Variants in EFR3B observed in about 807,000 individuals in gnomAD.
The protein encoded by EFR3B is protein EFR3 homolog B.
Under a neutral mutation model 104.7 loss-of-function variants are expected in EFR3B, and 64 were observed. That is an observed-to-expected ratio of 0.61 (90% CI 0.50 to 0.75). The LOEUF is 0.75. Among genes scored for constraint, EFR3B ranks in the 30% least tolerant of loss-of-function variants. The pLI is 0.00. For missense variants in EFR3B, 750 were observed against 1,078.5 expected (o/e 0.70, Z 4.27); for synonymous variants, 385 against 417.9 (o/e 0.92, Z 0.96).
chr2:25,072,027 C>T (rs941810387), intron 1 of EFR3B, among the ~76,000 whole-genome samples: 19 of 152,236 alleles, frequency 1.2e-4, no homozygotes, highest in Non-Finnish European at 2.4e-4. Context: ...GCACATCACC[C>T]TGGTGGTGTG....
intron 5 of EFR3B, among the ~76,000 whole-genome samples, chr2:25,122,819 A>T (rs1670051935): frequency 6.6e-6 from 1 of 151,826 alleles, no homozygotes. Context: ...GTCTCTTCCC[A>T]CTGGGATGTA....
At chr2:25,052,539 T>G (rs2149164685) in intron 1 of EFR3B, among the ~76,000 whole-genome samples, 1 of 141,708 alleles carries the variant, frequency 7.1e-6, no homozygotes, top group South Asian at 2.3e-4. Flanking sequence ...TCTCGCTCTG[T>G]CGCCCAGGCT....
At position 25,139,017 on chromosome 2, in the gene EFR3B, T is replaced by C. The variant is rs751700290; in HGVS notation, c.1723-42T>C. On this transcript the variant is annotated intron_variant, in intron 15 of 22. Coordinates refer to ENST00000403714, the MANE Select transcript of EFR3B (RefSeq NM_014971.2). ...TGGAGCGTTGGCACCCAGTGTAGTCTGTCAGTGAAAAACTCCGGAGGCCTT... is the reference window on the plus strand; with the variant it reads ...TGGAGCGTTGGCACCCAGTGTAGTCCGTCAGTGAAAAACTCCGGAGGCCTT... 4.5e-6 allele frequency: 7 copies of C among 1,550,904 alleles called. No individual in the cohort carries two copies. In the East Asian group the frequency reaches 1.5e-4, roughly 32 times the overall value.
In EFR3B at chr2:25,145,050, A is replaced by T; in HGVS notation, c.2141A>T (p.Glu714Val). 6.4e-7 allele frequency: 1 copy of T among 1,551,680 alleles called. No homozygotes were observed. ...VESRNSPEKE[E>V]RVPAEEITYE... ...TCGAGGAACAGTCCGGAGAAGGAGG[A>T]GGTGAGTGTCCGTGCCACCGTCCTG... is the stretch of plus-strand genomic sequence containing the variant. The change falls in exon 19 of 23, where the codon GAG (glutamate) becomes GTG (valine). Residue 714 changes from glutamate (E) to valine (V), a missense_variant and splice_region_variant. Glu to Val is a moderately radical substitution (Grantham distance 121). Coordinates refer to ENST00000403714, the MANE Select transcript of EFR3B (RefSeq NM_014971.2).
In EFR3B at chr2:25,143,902, C is replaced by CT. The variant is rs749477480; in HGVS notation, c.2050+43dup. 3 of 1,543,872 alleles carry CT rather than the reference C, an allele frequency of 1.9e-6. No homozygotes were observed. The African/African-American group carries it at 4.1e-5, about 21-fold the overall frequency. On this transcript the variant is annotated intron_variant, in intron 18 of 22. Transcript: ENST00000403714. ...CAGGGATGCCCGGGCCTGCCTCTGT[C>CT]TTTACTTGGCCAGGTAAGGGCCTGA...
chr2:25,049,941 G>A lies in EFR3B; in HGVS notation c.7+7622G>A, dbSNP rs1013975769. Among the ~76,000 whole-genome samples, 8 of 136,702 alleles carry A rather than the reference G, an allele frequency of 5.9e-5. No individual in the cohort carries two copies. In the East Asian group the frequency reaches 1.4e-3, roughly 25 times the overall value. The allele number at this position is 136,702 out of a possible 152,430, so 89.7% of individuals were successfully genotyped here. ...TCCAGCCTAACCAACATTGTGAAACGACATTTCTACTAAAAAAAAAAAAAA... is the reference window on the plus strand; with the variant it reads ...TCCAGCCTAACCAACATTGTGAAACAACATTTCTACTAAAAAAAAAAAAAA... On this transcript the variant is annotated intron_variant, in intron 1 of 22. Transcript: ENST00000403714.
At chr2:25,113,454 G>T (rs1440424974) in intron 4 of EFR3B, among the ~76,000 whole-genome samples, 5 of 152,120 alleles carry the variant, frequency 3.3e-5, no homozygotes, top group Non-Finnish European at 2.9e-5. Flanking sequence ...TGACCTTGTG[G>T]TCAGCAGATC....
At chr2:25,105,565 T>C (rs1305395227) in intron 4 of EFR3B, among the ~76,000 whole-genome samples, 1 of 152,244 alleles carries the variant, frequency 6.6e-6, no homozygotes, top group African/African-American at 2.4e-5. Flanking sequence ...TAGCAACCTA[T>C]ACAGATTCCC....
chr2:25,103,211 C>T (rs772884321), intron 3 of EFR3B, among the ~76,000 whole-genome samples: 5 of 152,188 alleles, frequency 3.3e-5, no homozygotes, highest in African/African-American at 1.2e-4. Context: ...CCTTACACCC[C>T]CTGCACTGTC....
chr2:25,133,117 T>C, intron 11 of EFR3B, 103 bp downstream of exon 11: 2 of 1,137,202 alleles, frequency 1.8e-6, no homozygotes, highest in Non-Finnish European at 2.5e-6. Context: ...TGCCCTCTGC[T>C]CTCTTTTTAC....
rs1667599798 is a variant in EFR3B, at chr2:25,042,500, C to T, written c.7+181C>T. 8.3e-7 allele frequency: 1 copy of T among 1,207,406 alleles called. No homozygotes were observed. Among genetic ancestry groups the T allele is most frequent in the South Asian group, 4.3e-5 (1 of 23,334 alleles). The allele number at this position is 1,207,406 out of a possible 1,614,324, so 74.8% of individuals were successfully genotyped here. On this transcript the variant is annotated intron_variant, in intron 1 of 22. Coordinates refer to ENST00000403714, the MANE Select transcript of EFR3B (RefSeq NM_014971.2). This position sits in a 1 kb window ranked among gnomAD's most constrained non-coding sequence, Gnocchi z 5.4. ...CTGCGCTGCGAGGACAAAGATGCCT[C>T]GGGCCGGGGACCCTGGGGTCCTCTC... is the stretch of plus-strand genomic sequence containing the variant.
rs1386065395 is a variant in EFR3B at position 25,153,698 on chromosome 2, G to C, written c.2299-14G>C. ...CCCACCCCTGCCAGCTCACTTCCGT[G>C]TGTTTGTGTCTAGGCATCGCTGCTC... On this transcript the variant is annotated splice_polypyrimidine_tract_variant and intron_variant, in intron 21 of 22. Coordinates refer to ENST00000403714, the MANE Select transcript of EFR3B (RefSeq NM_014971.2). 5 of 1,545,388 alleles carry C rather than the reference G, an allele frequency of 3.2e-6. No homozygotes were observed. Among genetic ancestry groups the C allele is most frequent in the Non-Finnish European group, 3.5e-6 (4 of 1,146,430 alleles).
intron 1 of EFR3B, among the ~76,000 whole-genome samples, chr2:25,044,010 T>C (rs913085341): frequency 9.8e-5 from 15 of 152,338 alleles, no homozygotes; most frequent in Admixed American, 5.2e-4. Context: ...CTCTGTTGTA[T>C]GAAGCAAGAC....
chr2:25,115,827 T>C (rs1035525606), intron 4 of EFR3B, among the ~76,000 whole-genome samples: 1 of 152,248 alleles, frequency 6.6e-6, no homozygotes, highest in Non-Finnish European at 1.5e-5. Flanking sequence ...AAATATTTAC[T>C]GCTGTTATTA....
chr2:25,097,968 G>A (rs764758825), intron 3 of EFR3B, among the ~76,000 whole-genome samples: 4 of 152,178 alleles, frequency 2.6e-5, no homozygotes, highest in Non-Finnish European at 5.9e-5. Flanking sequence ...CCATGCCAGA[G>A]GGTTGAGCTT....
Position 25,132,940 on chromosome 2 carries a change from C to T in EFR3B, c.1185C>T (p.Ser395=), listed in dbSNP as rs553731068. The change falls in exon 11 of 23, where the codon TCC becomes TCT. Residue 395 remains serine, a synonymous_variant. Transcript: ENST00000403714. Reference sequence around the variant, plus strand: ...GCACGCTGCCCACCTACCAGCGCTCCGAGGTGATCCTCTTCATCATGAGCA... The same window carrying T: ...GCACGCTGCCCACCTACCAGCGCTCTGAGGTGATCCTCTTCATCATGAGCA... ...FASTLPTYQR[S]EVILFIMSKV... The T allele has an allele frequency of 3.9e-6, 6 of 1,551,456 alleles. No individual in the cohort carries two copies. The highest frequency in any genetic ancestry group is 2.4e-5 in the East Asian group (1 of 40,936).
In EFR3B at chr2:25,042,700, T is replaced by C; in HGVS notation, c.7+381T>C. On this transcript the variant is annotated intron_variant, in intron 1 of 22. Coordinates refer to ENST00000403714, the MANE Select transcript of EFR3B (RefSeq NM_014971.2). The surrounding 1 kb of genome is among the most constrained non-coding windows in gnomAD (Gnocchi z 5.4). ...CTGGGAGTTTTCTGTGGGAAGCCGG[T>C]CCAGGGCTGAGGGAGACGCCCGCGG... The C allele has an allele frequency of 1.0e-6, 1 of 999,602 alleles. No homozygotes were observed. The highest frequency in any genetic ancestry group is 1.2e-6 in the Non-Finnish European group (1 of 839,280). The allele number at this position is 999,602 out of a possible 1,614,324, so 61.9% of individuals were successfully genotyped here.
intron 1 of EFR3B, chr2:25,058,289 A>G (rs2149167521): frequency 6.6e-6 from 1 of 152,320 alleles, no homozygotes; most frequent in African/African-American, 2.4e-5. Context: ...TTGAATAGCC[A>G]CTGCACTCTA....
At chr2:25,122,747 G>C (rs780012247) in intron 5 of EFR3B, among the ~76,000 whole-genome samples, 1 of 151,998 alleles carries the variant, frequency 6.6e-6, no homozygotes, top group Non-Finnish European at 1.5e-5. Context: ...CACTCTGCCG[G>C]GGTTTCTTTC....
Sources: allele counts gnomAD v4.1 joint callset (sites outside exome capture counted in the v4.1 genomes callset), GRCh38; gene constraint gnomAD v4.1.1; non-coding constraint Gnocchi (gnomAD v3.1); transcripts MANE v1.5; gene names NCBI Gene and HGNC (gene_info 2026-07-23, HGNC 2026-07-21).